Variants in HOMER1 observed in about 807,000 individuals in gnomAD.
HOMER1 encodes the protein homer scaffold protein 1.
In HOMER1, 3 loss-of-function variants were observed where a neutral mutation model predicts 48.9. The ratio of observed to expected loss-of-function variants is 0.06; its 90% confidence interval spans 0.03 to 0.16. The LOEUF (loss-of-function observed/expected upper bound fraction) is 0.16, where lower values mean the gene tolerates loss of function less well. Among genes scored for constraint, HOMER1 ranks in the 10% least tolerant of loss-of-function variants. The pLI, the probability that HOMER1 is intolerant of heterozygous loss-of-function variation, is 1.00. For synonymous variants in HOMER1, 134 were observed against 146.4 expected, an observed-to-expected ratio of 0.92 and a Z score of 0.61; for missense variants, 247 against 411.4, an observed-to-expected ratio of 0.60 and a Z score of 3.46.
chr5:79,420,141 C>A (rs1750057463), intron 5 of HOMER1, among the ~76,000 whole-genome samples: 1 of 152,162 alleles, frequency 6.6e-6, no homozygotes, highest in African/African-American at 2.4e-5. Context: ...AATAAATCAA[C>A]ATCTATTGTC....
Position 79,401,707 on chromosome 5 carries a change from T to C in HOMER1, c.684+192A>G, listed in dbSNP as rs187995572. ...CATGGTTTGTTGACTTCAAAAGGCG[T>C]ATATTCTTCATTCTCATTAAACTAT... On this transcript the variant is annotated intron_variant, in intron 6 of 8. Transcript: ENST00000334082. 2.1e-3 allele frequency among the ~76,000 whole-genome samples: 321 copies of C among 152,332 alleles called. 2 individuals carry two copies. The highest frequency in any genetic ancestry group is 3.3e-3 in the Non-Finnish European group (222 of 68,030).
At chr5:79,376,449 G>T (rs1580407435) in intron 8 of HOMER1, among the ~76,000 whole-genome samples, 1 of 152,174 alleles carries the variant, frequency 6.6e-6, no homozygotes, top group East Asian at 1.9e-4. Context: ...ATTACTTTGT[G>T]CCAGGCAACA....
At chr5:79,443,018 A>C (rs1020784118) in intron 4 of HOMER1, among the ~76,000 whole-genome samples, 1 of 152,184 alleles carries the variant, frequency 6.6e-6, no homozygotes, top group African/African-American at 2.4e-5. Context: ...ATATTGGCTG[A>C]TTGATGCTTA....
intron 1 of HOMER1, among the ~76,000 whole-genome samples, chr5:79,483,098 CA>C (rs58465689): frequency 0.082 from 12,149 of 147,620 alleles, 1,076 homozygotes; most frequent in East Asian, 0.24. Context: ...ACCACAAGCG[CA>C]AAAAAAAAAT....
chr5:79,438,045 A>C (rs1750641528), intron 5 of HOMER1, among the ~76,000 whole-genome samples: 1 of 152,186 alleles, frequency 6.6e-6, no homozygotes, highest in African/African-American at 2.4e-5. Context: ...GCCTCTACTA[A>C]GGGCATTTAA....
chr5:79,449,137 A>C (rs1750962765), intron 3 of HOMER1, among the ~76,000 whole-genome samples: 1 of 152,198 alleles, frequency 6.6e-6, no homozygotes, highest in Non-Finnish European at 1.5e-5. Context: ...CAGCCCAAAA[A>C]GCATTTAAGG....
intron 8 of HOMER1, among the ~76,000 whole-genome samples, chr5:79,395,916 A>G (rs184676949): frequency 5.9e-5 from 9 of 152,318 alleles, no homozygotes; most frequent in African/African-American, 2.2e-4. Flanking sequence ...TGTTCTTATT[A>G]TAATCTAGGT....
chr5:79,493,804 C>G (rs979427673), intron 1 of HOMER1, among the ~76,000 whole-genome samples: 2 of 152,122 alleles, frequency 1.3e-5, no homozygotes, highest in Non-Finnish European at 2.9e-5. Flanking sequence ...ATTCTGTAAA[C>G]AAAACCAAAA....
chr5:79,421,730 G>A (rs1030727005), intron 5 of HOMER1, among the ~76,000 whole-genome samples: 3 of 151,318 alleles, frequency 2.0e-5, no homozygotes, highest in East Asian at 2.0e-4. Flanking sequence ...TCAGCCTCCC[G>A]AGTAGCTGGG....
At chr5:79,437,532 G>T (rs11950708) in intron 5 of HOMER1, among the ~76,000 whole-genome samples, 1 of 152,122 alleles carries the variant, frequency 6.6e-6, no homozygotes, top group African/African-American at 2.4e-5. Flanking sequence ...AGAAAATATC[G>T]TTATACCACA....
At chr5:79,498,567 G>T (rs1346008392) in intron 1 of HOMER1, among the ~76,000 whole-genome samples, 1 of 152,128 alleles carries the variant, frequency 6.6e-6, no homozygotes, top group Admixed American at 6.5e-5. Context: ...TTTTTAGGCA[G>T]GATCTCTTCT....
intron 5 of HOMER1, among the ~76,000 whole-genome samples, chr5:79,428,198 G>A (rs142532275): frequency 6.6e-6 from 1 of 152,166 alleles, no homozygotes; most frequent in East Asian, 1.9e-4. Context: ...AAGCCATCAA[G>A]TTCTGAGGGT....
chr5:79,383,437 G>C (rs1158443349), intron 8 of HOMER1, among the ~76,000 whole-genome samples: 1 of 149,686 alleles, frequency 6.7e-6, no homozygotes, highest in Admixed American at 6.7e-5. Flanking sequence ...CTAGACTAGA[G>C]TGCAGTGGTG....
intron 8 of HOMER1, among the ~76,000 whole-genome samples, chr5:79,381,715 C>G (rs532354651): frequency 6.6e-6 from 1 of 152,188 alleles, no homozygotes; most frequent in South Asian, 2.1e-4. Flanking sequence ...TGAAACCTGT[C>G]TCTCCTAAAA....
intron 2 of HOMER1, among the ~76,000 whole-genome samples, chr5:79,456,167 A>AT (rs1751172421): frequency 6.9e-6 from 1 of 145,902 alleles, no homozygotes; most frequent in Non-Finnish European, 1.5e-5. Flanking sequence ...AAAAAAAGGG[A>AT]TCCCCAACCA....
Position 79,385,314 on chromosome 5 carries a change from A to G in HOMER1, c.877-9117T>C, listed in dbSNP as rs868365818. ...CAGCAAAGGAAACAACAAAGAGACA[A>G]CCTGTTGAATGGGAGAAACTACTTG... On this transcript the variant is annotated intron_variant, in intron 8 of 8. Coordinates refer to ENST00000334082, the MANE Select transcript of HOMER1 (RefSeq NM_004272.5). 5.3e-5 allele frequency among the ~76,000 whole-genome samples: 8 copies of G among 152,250 alleles called. No individual in the cohort carries two copies. The South Asian group carries it at 1.5e-3, about 28-fold the overall frequency.
chr5:79,499,561 T>G (rs566044009), intron 1 of HOMER1, among the ~76,000 whole-genome samples: 9 of 151,822 alleles, frequency 5.9e-5, no homozygotes. Flanking sequence ...TTGAAAAAAA[T>G]AGAAAAAGGC....
intron 1 of HOMER1, chr5:79,510,781 G>T (rs1056056648): frequency 1.1e-4 from 86 of 756,654 alleles, no homozygotes; most frequent in Non-Finnish European, 1.9e-4. Flanking sequence ...GGGGCTCAGG[G>T]TGTGCTGGCC....
At chr5:79,504,057 T>C (rs772037715) in intron 1 of HOMER1, among the ~76,000 whole-genome samples, 1 of 152,166 alleles carries the variant, frequency 6.6e-6, no homozygotes, top group Non-Finnish European at 1.5e-5. Flanking sequence ...AATTTAACAA[T>C]AGTAAAATAC....
Sources: allele counts gnomAD v4.1 joint callset (sites outside exome capture counted in the v4.1 genomes callset), GRCh38; gene constraint gnomAD v4.1.1; transcripts MANE v1.5; gene names NCBI Gene and HGNC (gene_info 2026-07-23, HGNC 2026-07-21).